Variants in PCDH15 observed in about 807,000 individuals in gnomAD.
The protein encoded by PCDH15 is protocadherin related 15, also known as protocadherin-15.
Under a neutral mutation model 178.5 loss-of-function variants are expected in PCDH15, and 129 were observed. That is an observed-to-expected ratio of 0.72 (90% CI 0.63 to 0.84). PCDH15 has a LOEUF of 0.84. PCDH15 is among the 40% of genes least tolerant of loss of function. The probability of loss-of-function intolerance (pLI) is 0.00; values close to 1 mark genes in which losing one functional copy is unlikely to be tolerated. For missense variants in PCDH15, 2,230 were observed against 2,099.9 expected (o/e 1.06, Z -1.21); for synonymous variants, 800 against 732.0 (o/e 1.09, Z -1.50).
At chr10:55,012,853 G>A (rs1840080217) in intron 2 of PCDH15, among the ~76,000 whole-genome samples, 1 of 151,928 alleles carries the variant, frequency 6.6e-6, no homozygotes, top group South Asian at 2.1e-4. Flanking sequence ...ACATTTACAT[G>A]GGTGTCTTTT....
intron 14 of PCDH15, among the ~76,000 whole-genome samples, chr10:54,135,628 G>T (rs1419816754): frequency 6.6e-6 from 1 of 152,126 alleles, no homozygotes; most frequent in African/African-American, 2.4e-5. Context: ...GCTTCTTTTA[G>T]GGTCTGTTGT....
rs191117335 is a variant in PCDH15 at position 54,029,540 on chromosome 10, C to T, written c.2221-6343G>A. Among the ~76,000 whole-genome samples the T allele has an allele frequency of 6.9e-3, 1,052 of 152,220 alleles. 10 individuals are homozygous for T. The highest frequency in any genetic ancestry group is 0.024 in the African/African-American group (993 of 41,538). ...AGCCTGTAGTCAAATAAAGACCTCA[C>T]TGGACAGAACTTTGAATAATTGCCA... is the stretch of plus-strand genomic sequence containing the variant. On this transcript the variant is annotated intron_variant, in intron 18 of 37. Transcript: ENST00000644397.
chr10:54,546,508 C>T (rs1251394639), intron 2 of PCDH15, among the ~76,000 whole-genome samples: 1 of 151,864 alleles, frequency 6.6e-6, no homozygotes, highest in East Asian at 1.9e-4. Context: ...GTGTCCTTTG[C>T]ATTTTTATAA....
intron 23 of PCDH15, among the ~76,000 whole-genome samples, chr10:53,947,127 T>C (rs77681105): frequency 0.039 from 5,947 of 152,258 alleles, 173 homozygotes; most frequent in East Asian, 0.13. Flanking sequence ...TAGATTACAA[T>C]AAATCTTTCA....
chr10:55,402,338 C>T (rs1191106536), intron 2 of PCDH15, among the ~76,000 whole-genome samples: 2 of 152,000 alleles, frequency 1.3e-5, no homozygotes, highest in Admixed American at 6.6e-5. Context: ...ATATTCATCA[C>T]TTCAAACATT....
chr10:53,836,760 A>G (rs1404528126), intron 29 of PCDH15, among the ~76,000 whole-genome samples: 1 of 152,212 alleles, frequency 6.6e-6, no homozygotes, highest in Non-Finnish European at 1.5e-5. Context: ...CCTACAAAAT[A>G]TAAAACAACC....
intron 1 of PCDH15, among the ~76,000 whole-genome samples, chr10:55,180,778 G>A (rs1344746207): frequency 1.3e-5 from 2 of 151,936 alleles, no homozygotes; most frequent in African/African-American, 4.8e-5. Flanking sequence ...TCACATTTCA[G>A]TTGCAGATGC....
At chr10:54,540,267 T>C (rs2085063103) in intron 2 of PCDH15, among the ~76,000 whole-genome samples, 1 of 151,910 alleles carries the variant, frequency 6.6e-6, no homozygotes, top group South Asian at 2.1e-4. Context: ...TATGACTATA[T>C]AAACAAAGAA....
chr10:55,068,492 A>G (rs1019579116), intron 2 of PCDH15, among the ~76,000 whole-genome samples: 1 of 152,126 alleles, frequency 6.6e-6, no homozygotes, highest in Non-Finnish European at 1.5e-5. Context: ...TTTGTTCACC[A>G]TAGGCGTGCA....
rs969735786 is a variant in PCDH15, at chr10:54,502,879, C to T, written c.157+24933G>A. 3.9e-5 allele frequency among the ~76,000 whole-genome samples: 6 copies of T among 151,970 alleles called. No individual in the cohort carries two copies. The East Asian group carries it at 5.8e-4, about 15-fold the overall frequency. On this transcript the variant is annotated intron_variant, in intron 3 of 37. Transcript: ENST00000644397. Reference sequence around the variant, plus strand: ...AGCTTTATGAGATTGTAAATCTCTTCGAATCATGCATTTTACTGTCTCTAT... The same window carrying T: ...AGCTTTATGAGATTGTAAATCTCTTTGAATCATGCATTTTACTGTCTCTAT...
chr10:55,156,236 T>G (rs1333688832), intron 2 of PCDH15, among the ~76,000 whole-genome samples: 4 of 152,162 alleles, frequency 2.6e-5, no homozygotes, highest in Admixed American at 2.6e-4. Flanking sequence ...GTTTCTATCT[T>G]GTTAAAACTT....
intron 1 of PCDH15, among the ~76,000 whole-genome samples, chr10:54,685,518 T>A (rs1022122381): frequency 3.9e-5 from 6 of 152,166 alleles, no homozygotes; most frequent in African/African-American, 1.4e-4. Context: ...ATAGAAATTT[T>A]TCAGCTATGT....
chr10:54,475,940 T>A (rs2078243830), intron 3 of PCDH15, among the ~76,000 whole-genome samples: 1 of 143,172 alleles, frequency 7.0e-6, no homozygotes, highest in Non-Finnish European at 1.5e-5. Context: ...GGAAGTGCCC[T>A]ATAAATGTAA....
chr10:54,470,410 G>A (rs1009415871), intron 3 of PCDH15, among the ~76,000 whole-genome samples: 6 of 152,110 alleles, frequency 3.9e-5, no homozygotes, highest in African/African-American at 1.4e-4. Flanking sequence ...GGTGGGGGAG[G>A]TCAGTGGCGT....
chr10:55,317,292 T>G (rs575127665), intron 1 of PCDH15, among the ~76,000 whole-genome samples: 18 of 152,320 alleles, frequency 1.2e-4, no homozygotes, highest in Middle Eastern at 3.4e-3. Flanking sequence ...AATTGTTACT[T>G]TATTATTAAA....
intron 3 of PCDH15, among the ~76,000 whole-genome samples, chr10:54,489,394 A>G (rs1332130883): frequency 6.6e-6 from 1 of 152,112 alleles, no homozygotes; most frequent in African/African-American, 2.4e-5. Flanking sequence ...AAAAATCACA[A>G]ATGTTTGTCT....
intron 2 of PCDH15, among the ~76,000 whole-genome samples, chr10:54,959,465 C>T (rs1310236008): frequency 6.6e-6 from 1 of 151,846 alleles, no homozygotes; most frequent in Non-Finnish European, 1.5e-5. Flanking sequence ...TTTTGGGGAA[C>T]AGGAAAATTT....
chr10:53,925,585 T>A (rs981163846), intron 25 of PCDH15, among the ~76,000 whole-genome samples: 1 of 152,234 alleles, frequency 6.6e-6, no homozygotes, highest in Non-Finnish European at 1.5e-5. Context: ...TTCTCCCTGA[T>A]ACAAGCTTCA....
At chr10:54,207,004 A>G (rs1408337622) in intron 10 of PCDH15, among the ~76,000 whole-genome samples, 1 of 152,108 alleles carries the variant, frequency 6.6e-6, no homozygotes, top group Non-Finnish European at 1.5e-5. Context: ...AGGCCTTGGC[A>G]AAAAGCAAGG....
Sources: allele counts gnomAD v4.1 joint callset (sites outside exome capture counted in the v4.1 genomes callset), GRCh38; gene constraint gnomAD v4.1.1; transcripts MANE v1.5; gene names NCBI Gene and HGNC (gene_info 2026-07-23, HGNC 2026-07-21).